RAMP1: variants seen among roughly 807,000 people sequenced by gnomAD.
RAMP1 encodes the protein receptor activity modifying protein 1, also known as receptor activity-modifying protein 1.
Under a neutral mutation model 8.2 loss-of-function variants are expected in RAMP1, and 7 were observed. The observed-to-expected ratio is 0.85, with a 90% CI of 0.49 to 1.60. RAMP1 has a LOEUF of 1.60. RAMP1 is among the 40% of genes most tolerant of loss of function. The pLI, the probability that RAMP1 is intolerant of heterozygous loss-of-function variation, is 0.00. For synonymous variants in RAMP1, 92 were observed against 84.7 expected (o/e 1.09, Z -0.47); for missense variants, 192 against 202.4 (o/e 0.95, Z 0.31).
chr2:237,872,560 G>T (rs1022632057), intron 1 of RAMP1, among the ~76,000 whole-genome samples: 2 of 152,194 alleles, frequency 1.3e-5, no homozygotes, highest in Non-Finnish European at 2.9e-5. Context: ...GGCAGGTGTT[G>T]GGGTCTCCAC....
In RAMP1 at chr2:237,898,450, G is replaced by A. The variant is rs544514289; in HGVS notation, c.192-13078G>A. On this transcript the variant is annotated intron_variant, in intron 2 of 2. Coordinates refer to ENST00000254661, the MANE Select transcript of RAMP1 (RefSeq NM_005855.4). The stretch of plus-strand genomic sequence containing the variant: ...TACAATATCCGTCTTTCCCTCACGC[G>A]TGCTGCCAGTCCCAGGGGGATGGGA... Among the ~76,000 whole-genome samples, 16 of 152,194 alleles carry A rather than the reference G, an allele frequency of 1.1e-4. No individual in the cohort carries two copies. In the South Asian group the frequency reaches 1.5e-3, roughly 14 times the overall value.
intron 2 of RAMP1, among the ~76,000 whole-genome samples, chr2:237,905,057 A>T (rs2062639123): frequency 6.6e-6 from 1 of 152,154 alleles, no homozygotes; most frequent in African/African-American, 2.4e-5. Context: ...ATATGCTGGA[A>T]ACTCCCACCA....
intron 2 of RAMP1, among the ~76,000 whole-genome samples, chr2:237,910,285 C>T (rs775139459): frequency 6.6e-6 from 1 of 151,346 alleles, no homozygotes; most frequent in Non-Finnish European, 1.5e-5. Flanking sequence ...CAGTCACACA[C>T]CCACAGACAA....
At position 237,862,977 on chromosome 2, in the gene RAMP1, A is replaced by G. The variant is rs1456781921; in HGVS notation, c.52+3250A>G. ...CACTCCTGAAGCCTTTTGAGCCCCT[A>G]GATCGAGCTCATGGGGTACACATTT... On this transcript the variant is annotated intron_variant, in intron 1 of 2. Coordinates refer to ENST00000254661, the MANE Select transcript of RAMP1 (RefSeq NM_005855.4). The surrounding 1 kb of genome is among the most constrained non-coding windows in gnomAD (Gnocchi z 4.0). Among the ~76,000 whole-genome samples the G allele has an allele frequency of 6.6e-6, 1 of 152,198 alleles. No individual in the cohort carries two copies. The highest frequency in any genetic ancestry group is 6.5e-5 in the Admixed American group (1 of 15,290).
chr2:237,885,126 A>G (rs1271279974), intron 2 of RAMP1, among the ~76,000 whole-genome samples: 1 of 152,238 alleles, frequency 6.6e-6, no homozygotes, highest in Non-Finnish European at 1.5e-5. Context: ...CTCCTGCTAA[A>G]AGAGTCAAGT....
rs551851713 is a variant in RAMP1 at position 237,896,551 on chromosome 2, G to A, written c.192-14977G>A. On this transcript the variant is annotated intron_variant, in intron 2 of 2. Transcript: ENST00000254661. ...GGACCTCCCCATCACCTCAGCAAGC[G>A]CCCTTTTCTGTAAGGAGGGGGTAAG... Among the ~76,000 whole-genome samples the A allele has an allele frequency of 7.5e-4, 115 of 152,346 alleles. 2 individuals carry two copies. The highest frequency in any genetic ancestry group is 2.6e-3 in the African/African-American group (107 of 41,588).
chr2:237,893,660 C>G (rs775160634), intron 2 of RAMP1, among the ~76,000 whole-genome samples: 1 of 152,082 alleles, frequency 6.6e-6, no homozygotes, highest in South Asian at 2.1e-4. Flanking sequence ...TAGTTTCGGC[C>G]GGGTATGGTG....
chr2:237,866,077 A>G (rs1047181887), intron 1 of RAMP1, among the ~76,000 whole-genome samples: 3 of 152,084 alleles, frequency 2.0e-5, no homozygotes, highest in Non-Finnish European at 2.9e-5. Context: ...ATTGCACTGA[A>G]TGTATTAACT....
chr2:237,878,313 C>T lies in RAMP1; in HGVS notation c.191+951C>T, dbSNP rs1005027509. Among the ~76,000 whole-genome samples the T allele has an allele frequency of 5.3e-5, 8 of 152,182 alleles. No homozygotes were observed. The highest frequency in any genetic ancestry group is 1.2e-4 in the African/African-American group (5 of 41,454). On this transcript the variant is annotated intron_variant, in intron 2 of 2. Coordinates refer to ENST00000254661, the MANE Select transcript of RAMP1 (RefSeq NM_005855.4). The surrounding 1 kb of genome is among the most constrained non-coding windows in gnomAD (Gnocchi z 5.7). ...GGGCCAGGGGCAGGGAGGAGGGCCT[C>T]GGGAGGGTCTTCACGGAGGAAAGGT...
chr2:237,874,962 C>T (rs1360677056), intron 1 of RAMP1, among the ~76,000 whole-genome samples: 1 of 152,050 alleles, frequency 6.6e-6, no homozygotes, highest in African/African-American at 2.4e-5. Flanking sequence ...GCAGGTGGGA[C>T]TGGGACCCAG....
intron 1 of RAMP1, 72 bp downstream of exon 1, chr2:237,859,799 G>C (rs1405582772): frequency 5.9e-6 from 6 of 1,019,104 alleles, no homozygotes; most frequent in East Asian, 6.4e-5. Context: ...GGAGAGGAGG[G>C]GAGCGGGTGG....
At chr2:237,868,885 T>G (rs921770182) in intron 1 of RAMP1, among the ~76,000 whole-genome samples, 1 of 152,192 alleles carries the variant, frequency 6.6e-6, no homozygotes, top group Non-Finnish European at 1.5e-5. Flanking sequence ...CATTGCTAGT[T>G]TTATTGCACT....
intron 2 of RAMP1, among the ~76,000 whole-genome samples, chr2:237,904,931 A>T (rs982684363): frequency 1.3e-5 from 2 of 152,118 alleles, no homozygotes; most frequent in Non-Finnish European, 2.9e-5. Context: ...GCTGGGGGAC[A>T]ACTGCAACCC....
In RAMP1 at chr2:237,911,524, G is replaced by T; in HGVS notation, c.192-4G>T. Reference sequence around the variant, plus strand: ...GGTCTTACCACCTCCTCTTCCATCCGCAGGAGCTACAGGGAGCTGGCCGAC... The same window carrying T: ...GGTCTTACCACCTCCTCTTCCATCCTCAGGAGCTACAGGGAGCTGGCCGAC... On this transcript the variant is annotated splice_region_variant and splice_polypyrimidine_tract_variant and intron_variant, in intron 2 of 2. Transcript: ENST00000254661. The T allele has an allele frequency of 1.2e-6, 2 of 1,613,708 alleles. No individual in the cohort carries two copies. Among genetic ancestry groups the T allele is most frequent in the Non-Finnish European group, 1.7e-6 (2 of 1,179,768 alleles).
chr2:237,870,921 G>A (rs1036825075), intron 1 of RAMP1, among the ~76,000 whole-genome samples: 10 of 152,228 alleles, frequency 6.6e-5, no homozygotes, highest in Non-Finnish European at 1.2e-4. Flanking sequence ...GGCACTTCGT[G>A]GGGGTAGAGG....
intron 2 of RAMP1, among the ~76,000 whole-genome samples, chr2:237,894,056 G>A (rs980731267): frequency 8.0e-6 from 1 of 125,778 alleles, no homozygotes; most frequent in Non-Finnish European, 1.6e-5. Context: ...TGCAACCTCC[G>A]CCTCCCAAGT....
intron 2 of RAMP1, among the ~76,000 whole-genome samples, chr2:237,884,846 C>T (rs1034288682): frequency 2.0e-5 from 3 of 152,228 alleles, no homozygotes; most frequent in Non-Finnish European, 4.4e-5. Flanking sequence ...CCTGCCCTGC[C>T]GACCCCATGC....
intron 2 of RAMP1, among the ~76,000 whole-genome samples, chr2:237,892,648 T>A (rs908003871): frequency 2.0e-5 from 3 of 152,168 alleles, no homozygotes; most frequent in Admixed American, 1.3e-4. Flanking sequence ...GATGTTCTTA[T>A]CTTGTACTTA....
intron 2 of RAMP1, among the ~76,000 whole-genome samples, chr2:237,899,946 GC>G (rs1348360465): frequency 1.3e-5 from 2 of 152,112 alleles, no homozygotes; most frequent in African/African-American, 2.4e-5. Flanking sequence ...TGAAAGAACT[GC>G]CTGGGATCTA....
Sources: gnomAD v4.1 joint callset for allele counts (sites outside exome capture counted in the v4.1 genomes callset) on GRCh38, gnomAD v4.1.1 for gene constraint, Gnocchi (gnomAD v3.1) non-coding constraint, MANE v1.5 for transcripts, NCBI Gene and HGNC (gene_info 2026-07-23, HGNC 2026-07-21) for gene names.